Variants in SDK1 observed in about 807,000 individuals in gnomAD.
SDK1 encodes the protein protein sidekick-1.
In SDK1, 157 loss-of-function variants were observed where a neutral mutation model predicts 245.5. That is an observed-to-expected ratio of 0.64 (90% CI 0.56 to 0.73). SDK1 has a LOEUF of 0.73. Ranked by LOEUF, SDK1 falls within the 30% of genes least tolerant of loss-of-function variation. The probability of loss-of-function intolerance (pLI) is 0.00; values close to 1 mark genes in which losing one functional copy is unlikely to be tolerated. For synonymous variants in SDK1, 1,647 were observed against 1,278.5 expected, an observed-to-expected ratio of 1.29 and a Z score of -6.15; for missense variants, 3,583 against 3,002.3, an observed-to-expected ratio of 1.19 and a Z score of -4.52.
At chr7:3,818,279 AAAT>A (rs1779558404) in intron 4 of SDK1, among the ~76,000 whole-genome samples, 1 of 152,242 alleles carries the variant, frequency 6.6e-6, no homozygotes, top group Non-Finnish European at 1.5e-5. Flanking sequence ...TGTAAGTTTT[AAAT>A]GTGTCATCTG....
rs1469548418 is a variant in SDK1 at position 3,301,757 on chromosome 7, C to A, written c.171C>A (p.Thr57=). The change falls in exon 1 of 45, where the codon ACC becomes ACA. Residue 57 remains threonine (T), a synonymous_variant. Coordinates refer to ENST00000404826, the MANE Select transcript of SDK1 (RefSeq NM_152744.4). The part of the protein sequence containing the change: ...EPSRPRAAPE[T]SGGDTAGAGR... ...CGCGACCCCGGGCGGCGCCCGAGAC[C>A]TCCGGCGGGGACACGGCGGGCGCGG... 3 of 984,578 alleles carry A rather than the reference C, an allele frequency of 3.0e-6. No homozygotes were observed. The African/African-American group carries it at 5.3e-5, about 17-fold the overall frequency. The allele number at this position is 984,578 out of a possible 1,614,324, so 61.0% of individuals were successfully genotyped here.
At chr7:3,784,462 G>A (rs940455683) in intron 4 of SDK1, among the ~76,000 whole-genome samples, 1 of 151,830 alleles carries the variant, frequency 6.6e-6, no homozygotes, top group Non-Finnish European at 1.5e-5. Flanking sequence ...CCATACTTTG[G>A]ATAAGGGGTT....
chr7:4,059,535 T>C (rs544137526), intron 19 of SDK1, among the ~76,000 whole-genome samples: 1 of 152,336 alleles, frequency 6.6e-6, no homozygotes, highest in South Asian at 2.1e-4. Context: ...ACAGGTCATC[T>C]TGACAGAAAA....
intron 1 of SDK1, among the ~76,000 whole-genome samples, chr7:3,407,953 AG>A (rs1300329763): frequency 1.3e-5 from 2 of 152,158 alleles, no homozygotes; most frequent in Non-Finnish European, 2.9e-5. Flanking sequence ...GGGTATAAGC[AG>A]GGGGCTGGGA....
intron 5 of SDK1, among the ~76,000 whole-genome samples, chr7:3,915,779 C>A (rs1419307335): frequency 6.6e-6 from 1 of 152,214 alleles, no homozygotes; most frequent in Non-Finnish European, 1.5e-5. Flanking sequence ...CACGTGCTGA[C>A]TGACTGGGTT....
At chr7:3,903,549 G>A (rs1781864717) in intron 5 of SDK1, among the ~76,000 whole-genome samples, 1 of 152,084 alleles carries the variant, frequency 6.6e-6, no homozygotes, top group South Asian at 2.1e-4. Context: ...CAGCTGCTGT[G>A]GAAAAGAGTT....
chr7:4,251,969 T>C lies in SDK1; in HGVS notation c.6381+6164T>C, dbSNP rs901069798. On this transcript the variant is annotated intron_variant, in intron 44 of 44. Coordinates refer to ENST00000404826, the MANE Select transcript of SDK1 (RefSeq NM_152744.4). The stretch of plus-strand genomic sequence containing the variant: ...TGTTTTTTGTCCTTTGTTCTATTTA[T>C]ATGGTACATTACATTAACTAATGTT... 5.3e-5 allele frequency among the ~76,000 whole-genome samples: 8 copies of C among 152,368 alleles called. No homozygotes were observed. The East Asian group carries it at 1.3e-3, about 26-fold the overall frequency.
intron 8 of SDK1, among the ~76,000 whole-genome samples, chr7:3,959,346 G>T (rs969957076): frequency 1.3e-5 from 2 of 152,148 alleles, no homozygotes; most frequent in African/African-American, 2.4e-5. Context: ...GTGACCCCCC[G>T]AGATTCGGGG....
chr7:4,141,229 C>T (rs1421253101), intron 28 of SDK1, among the ~76,000 whole-genome samples: 1 of 152,144 alleles, frequency 6.6e-6, no homozygotes, highest in African/African-American at 2.4e-5. Context: ...AGGCAGGGCT[C>T]ACCTTGGAGG....
chr7:4,049,260 T>TCA (rs1789258222), intron 17 of SDK1, 88 bp from the exon 18 acceptor site: 2 of 916,950 alleles, frequency 2.2e-6, no homozygotes, highest in South Asian at 2.9e-5. Context: ...GTGAGCATGA[T>TCA]GGCAGCTAAG....
intron 1 of SDK1, among the ~76,000 whole-genome samples, chr7:3,492,076 A>G (rs1051171321): frequency 2.0e-5 from 3 of 152,196 alleles, no homozygotes; most frequent in Non-Finnish European, 2.9e-5. Context: ...TTTCAAAGCC[A>G]GATGTTATTT....
intron 1 of SDK1, among the ~76,000 whole-genome samples, chr7:3,461,311 T>A (rs73671831): frequency 1.3e-5 from 2 of 152,320 alleles, no homozygotes; most frequent in African/African-American, 4.8e-5. Flanking sequence ...ATGGTCTGTT[T>A]CCCATAAATT....
intron 30 of SDK1, among the ~76,000 whole-genome samples, chr7:4,152,831 T>A (rs1003183141): frequency 2.0e-5 from 3 of 152,168 alleles, no homozygotes; most frequent in Non-Finnish European, 4.4e-5. Flanking sequence ...AATGTCTCAA[T>A]TTGGTGACTG....
At chr7:3,423,138 G>A (rs1032845323) in intron 1 of SDK1, among the ~76,000 whole-genome samples, 7 of 152,186 alleles carry the variant, frequency 4.6e-5, no homozygotes, top group Non-Finnish European at 8.8e-5. Context: ...AGGTTGTAAA[G>A]AGAAAATAAA....
At chr7:3,400,100 T>G (rs995124927) in intron 1 of SDK1, among the ~76,000 whole-genome samples, 1 of 151,702 alleles carries the variant, frequency 6.6e-6, no homozygotes, top group Non-Finnish European at 1.5e-5. Context: ...TTTGGGGAAG[T>G]CTGAACTGGG....
At chr7:3,653,169 G>C (rs1009940516) in intron 4 of SDK1, among the ~76,000 whole-genome samples, 1 of 152,184 alleles carries the variant, frequency 6.6e-6, no homozygotes, top group Non-Finnish European at 1.5e-5. Context: ...TGGATCAGCA[G>C]ACAGATTACT....
intron 8 of SDK1, 31 bp from the exon 9 acceptor site, chr7:3,962,626 T>TA (rs1781788201): frequency 6.5e-7 from 1 of 1,535,798 alleles, no homozygotes; most frequent in African/African-American, 1.4e-5. Context: ...GAATTATTTT[T>TA]AAAATCCTAT....
chr7:3,612,817 G>A (rs1425783034), intron 1 of SDK1, among the ~76,000 whole-genome samples: 5 of 152,100 alleles, frequency 3.3e-5, no homozygotes, highest in Admixed American at 1.3e-4. Flanking sequence ...GGCTGGACTC[G>A]CACCTGATTG....
At chr7:4,181,511 G>A (rs528741117) in intron 35 of SDK1, among the ~76,000 whole-genome samples, 1 of 152,240 alleles carries the variant, frequency 6.6e-6, no homozygotes, top group South Asian at 2.1e-4. Context: ...GCATCACGGT[G>A]TGATGTGGCT....
Sources: gnomAD v4.1 joint callset for allele counts (sites outside exome capture counted in the v4.1 genomes callset) on GRCh38, gnomAD v4.1.1 for gene constraint, MANE v1.5 for transcripts, NCBI Gene and HGNC (gene_info 2026-07-23, HGNC 2026-07-21) for gene names.